The following ZKSCAN7 variants were observed in gnomAD, a reference collection of about 807,000 sequenced individuals.
The protein encoded by ZKSCAN7 is zinc finger protein with KRAB and SCAN domains 7.
Under a neutral mutation model 65.3 loss-of-function variants are expected in ZKSCAN7, and 38 were observed. That is an observed-to-expected ratio of 0.58 (90% CI 0.45 to 0.76). The LOEUF (loss-of-function observed/expected upper bound fraction) is 0.76, where lower values mean the gene tolerates loss of function less well. Ranked by LOEUF, ZKSCAN7 falls within the 30% of genes least tolerant of loss-of-function variation. ZKSCAN7 has a pLI of 0.00. For missense variants in ZKSCAN7, 815 were observed against 913.3 expected (o/e 0.89, Z 1.39); for synonymous variants, 321 against 321.0 (o/e 1.00, Z 0.00).
exon 6 of ZKSCAN7, chr3:44,583,000 C>T: frequency 4.5e-6 from 2 of 447,088 alleles, no homozygotes; most frequent in Admixed American, 2.4e-5. Context: ...GATCTTGGCT[C>T]ACTTCAATCT....
chr3:44,560,872 C>G (rs964061771), intron 2 of ZKSCAN7, among the ~76,000 whole-genome samples: 1 of 152,148 alleles, frequency 6.6e-6, no homozygotes, highest in Non-Finnish European at 1.5e-5. Context: ...TAATCATTAT[C>G]TCCATTTGAC....
Position 44,568,383 on chromosome 3 carries a change from C to G in ZKSCAN7, c.761C>G (p.Ala254Gly), listed in dbSNP as rs145410032. The change falls in exon 5 of 6, where the codon GCC (alanine) becomes GGC (glycine). Residue 254 changes from alanine (A) to glycine (G), a missense_variant. This residue lies in a region of ZKSCAN7 where 578 missense variants were observed against 629.5 expected (regional missense o/e 0.92). Transcript: ENST00000426540. ...KWKSLTLSQR[A>G]LQWNMMPENH... is the part of the protein sequence containing the mutation. The stretch of plus-strand genomic sequence containing the variant: ...AAAAGTCTCACACTCAGTCAGAGAG[C>G]CCTGCAGTGGAACATGATGCCAGAA... 1.2e-6 allele frequency: 2 copies of G among 1,614,036 alleles called. No individual in the cohort carries two copies. The highest frequency in any genetic ancestry group is 1.7e-6 in the Non-Finnish European group (2 of 1,180,016).
At chr3:44,564,378 A>G (rs1290296615) in intron 2 of ZKSCAN7, among the ~76,000 whole-genome samples, 1 of 152,212 alleles carries the variant, frequency 6.6e-6, no homozygotes, top group Admixed American at 6.5e-5. Flanking sequence ...CAAAATATCA[A>G]CAGGAAGTCA....
chr3:44,557,804 C>T (rs941883368), intron 2 of ZKSCAN7, among the ~76,000 whole-genome samples: 2 of 152,086 alleles, frequency 1.3e-5, no homozygotes, highest in African/African-American at 2.4e-5. Context: ...GCTGATAATA[C>T]GAGCCTTCAT....
intron 2 of ZKSCAN7, 127 bp downstream of exon 2, chr3:44,557,597 GGATA>G: frequency 7.4e-7 from 1 of 1,342,398 alleles, no homozygotes; most frequent in Non-Finnish European, 1.0e-6. Flanking sequence ...CTTGTCCTGT[GGATA>G]GAGGGAAAAT....
chr3:44,561,685 C>A (rs1699479745), intron 2 of ZKSCAN7, among the ~76,000 whole-genome samples: 1 of 152,136 alleles, frequency 6.6e-6, no homozygotes, highest in African/African-American at 2.4e-5. Flanking sequence ...GAGAAATTGG[C>A]CAAAACAAAG....
intron 5 of ZKSCAN7, among the ~76,000 whole-genome samples, chr3:44,581,996 A>G (rs1324528167): frequency 2.0e-5 from 3 of 152,194 alleles, no homozygotes; most frequent in African/African-American, 4.8e-5. Context: ...GAATTTGTCA[A>G]TTGTGAATAC....
At position 44,582,128 on chromosome 3, in the gene ZKSCAN7, G is replaced by A. The variant is rs546635662; in HGVS notation, c.812-844G>A. Among the ~76,000 whole-genome samples the A allele has an allele frequency of 1.1e-4, 17 of 152,322 alleles. No homozygotes were observed. The South Asian group carries it at 2.7e-3, about 24-fold the overall frequency. Reference sequence around the variant, plus strand: ...AGCTGGATACAGGGAAGGTGTTAACGATTACAGCTGGCTCCACAAGCACCT... The same window carrying A: ...AGCTGGATACAGGGAAGGTGTTAACAATTACAGCTGGCTCCACAAGCACCT... On this transcript the variant is annotated intron_variant, in intron 5 of 5. Coordinates refer to the ZKSCAN7 transcript ENST00000341840.
chr3:44,572,132 G>A lies in ZKSCAN7; in HGVS notation c.*757G>A. 5 of 984,736 alleles carry A rather than the reference G, an allele frequency of 5.1e-6. No individual in the cohort carries two copies. Among genetic ancestry groups the A allele is most frequent in the Non-Finnish European group, 6.0e-6 (5 of 829,366 alleles). 61.0% of individuals were successfully genotyped at this position (984,736 alleles called of 1,614,324 possible). A position where few individuals can be genotyped will look rare whatever the true frequency, so the allele number is the denominator to read the frequency against. On this transcript the variant is annotated 3_prime_UTR_variant, in exon 6 of 6. Coordinates refer to ENST00000426540, the MANE Select transcript of ZKSCAN7 (RefSeq NM_001288590.2). Reference sequence around the variant, plus strand: ...AGATAGTATTTTGTACATACCAGTTGTTAAATAAATAATTTTTAAAATCTC... The same window carrying A: ...AGATAGTATTTTGTACATACCAGTTATTAAATAAATAATTTTTAAAATCTC...
chr3:44,570,747 C>T lies in ZKSCAN7; in HGVS notation c.1637C>T (p.Thr546Ile). The T allele has an allele frequency of 1.2e-6, 2 of 1,614,134 alleles. No homozygotes were observed. Among genetic ancestry groups the T allele is most frequent in the South Asian group, 2.2e-5 (2 of 91,076 alleles). ...RNLIDHQRIH[T>I]GEKPYECSEC... is the part of the protein sequence containing the mutation. Reference sequence around the variant, plus strand: ...CTCATTGACCATCAGAGAATCCACACTGGGGAGAAGCCTTATGAGTGTAGT... The same window carrying T: ...CTCATTGACCATCAGAGAATCCACATTGGGGAGAAGCCTTATGAGTGTAGT... Residue 546 changes from threonine (T) to isoleucine (I), a missense_variant, in exon 6 of 6, where the codon ACT (threonine) becomes ATT (isoleucine). Transcript: ENST00000426540.
intron 2 of ZKSCAN7, among the ~76,000 whole-genome samples, chr3:44,559,385 G>A (rs766630137): frequency 2.0e-5 from 3 of 152,088 alleles, no homozygotes; most frequent in Non-Finnish European, 2.9e-5. Context: ...TTTATCAGGG[G>A]AAAACAGTAT....
At chr3:44,559,992 T>C (rs1355605666) in intron 2 of ZKSCAN7, among the ~76,000 whole-genome samples, 2 of 152,290 alleles carry the variant, frequency 1.3e-5, no homozygotes, top group Admixed American at 1.3e-4. Flanking sequence ...AGAAGGAAAA[T>C]GTCCCTATTT....
chr3:44,582,308 T>G (rs146781230), intron 5 of ZKSCAN7, among the ~76,000 whole-genome samples: 1 of 152,286 alleles, frequency 6.6e-6, no homozygotes, highest in East Asian at 1.9e-4. Context: ...TGTGAGTGCT[T>G]TACATGAAAA....
intron 2 of ZKSCAN7, among the ~76,000 whole-genome samples, chr3:44,560,756 C>T (rs1234863176): frequency 6.6e-6 from 1 of 152,166 alleles, no homozygotes; most frequent in African/African-American, 2.4e-5. Flanking sequence ...GATCCTCCCG[C>T]CTCGTTCTCC....
intron 2 of ZKSCAN7, among the ~76,000 whole-genome samples, chr3:44,558,254 G>A (rs568615804): frequency 1.3e-5 from 2 of 152,178 alleles, no homozygotes; most frequent in South Asian, 4.2e-4. Context: ...GCTGGGCATG[G>A]TAGCTCATGC....
chr3:44,573,221 A>G (rs780837237), downstream of ZKSCAN7, among the ~76,000 whole-genome samples: 8 of 152,284 alleles, frequency 5.3e-5, no homozygotes, highest in Middle Eastern at 3.4e-3. Context: ...CACCCTTGCA[A>G]TATGGCCCAG....
At chr3:44,561,789 C>G (rs1699482017) in intron 2 of ZKSCAN7, among the ~76,000 whole-genome samples, 1 of 152,240 alleles carries the variant, frequency 6.6e-6, no homozygotes, top group African/African-American at 2.4e-5. Flanking sequence ...TGTCTCACAT[C>G]CAGGGCATGC....
At position 44,571,238 on chromosome 3, in the gene ZKSCAN7, CAG is replaced by C. The variant is rs1444184398; in HGVS notation, c.2133_2134del (p.Arg711SerfsTer9). On this transcript the variant is annotated frameshift_variant, in exon 6 of 6. Coordinates refer to ENST00000426540, the MANE Select transcript of ZKSCAN7 (RefSeq NM_001288590.2). LOFTEE classifies it high-confidence loss of function. ...FSDSSQLIVH[Q>X]RVHTGEKPYE... is the part of the protein sequence containing the mutation. ...TGACAGCTCACAGCTTATTGTACAC[CAG>C]AGAGTCCACACCGGAGAGAAACCTT... 3 of 1,614,144 alleles carry C rather than the reference CAG, an allele frequency of 1.9e-6. No homozygotes were observed. Among genetic ancestry groups the C allele is most frequent in the East Asian group, 2.2e-5 (1 of 44,876 alleles).
rs1700049376 is a variant in ZKSCAN7 at position 44,580,577 on chromosome 3, C to T, written c.812-2395C>T. On this transcript the variant is annotated intron_variant, in intron 5 of 5. Coordinates refer to the ZKSCAN7 transcript ENST00000341840. ...TCTTCTTCTGATTCTGCTTGTTGGT[C>T]CGGGGATAGACCATGAGCATCTCCA... 11 of 1,613,738 alleles carry T rather than the reference C, an allele frequency of 6.8e-6. No individual in the cohort carries two copies. The South Asian group carries it at 1.1e-4, about 16-fold the overall frequency.
Sources: allele counts gnomAD v4.1 joint callset (sites outside exome capture counted in the v4.1 genomes callset), GRCh38; gene constraint gnomAD v4.1.1; regional missense constraint gnomAD v4.1.1; transcripts MANE v1.5; gene names NCBI Gene and HGNC (gene_info 2026-07-23, HGNC 2026-07-21).